TCF12: variants seen among roughly 807,000 people sequenced by gnomAD.
The protein encoded by TCF12 is DNA-binding protein HTF4.
TCF12 carries 45 observed loss-of-function variants against 86.0 expected under a neutral mutation model. That is an observed-to-expected ratio of 0.52 (90% CI 0.41 to 0.67). The LOEUF (loss-of-function observed/expected upper bound fraction) is 0.67, where lower values mean the gene tolerates loss of function less well. Among genes scored for constraint, TCF12 ranks in the 30% least tolerant of loss-of-function variants. TCF12 has a pLI of 0.00. For synonymous variants in TCF12, 330 were observed against 299.6 expected (o/e 1.10, Z -1.05); for missense variants, 881 against 859.9 (o/e 1.02, Z -0.31).
At chr15:57,171,383 A>G (rs1176342611) in intron 6 of TCF12, among the ~76,000 whole-genome samples, 1 of 152,106 alleles carries the variant, frequency 6.6e-6, no homozygotes, top group Non-Finnish European at 1.5e-5. Context: ...GAGTCAGAGG[A>G]GGGACAAAAA....
chr15:57,171,859 A>T (rs1451674690), intron 6 of TCF12, among the ~76,000 whole-genome samples: 1 of 152,214 alleles, frequency 6.6e-6, no homozygotes, highest in African/African-American at 2.4e-5. Context: ...TAAGTGAAAA[A>T]TCCTTTTATC....
chr15:56,918,507 C>T (rs956051241), upstream of TCF12: 2 of 316,360 alleles, frequency 6.3e-6, no homozygotes, highest in Non-Finnish European at 1.2e-5. Context: ...TTTGTCCACC[C>T]GCCGCGGTGC....
At chr15:57,167,325 C>T (rs556184736) in intron 6 of TCF12, among the ~76,000 whole-genome samples, 1 of 152,258 alleles carries the variant, frequency 6.6e-6, no homozygotes, top group Non-Finnish European at 1.5e-5. Context: ...CTTTGGGAGA[C>T]TGAGGTAGGA....
At chr15:56,936,809 C>A (rs1297322252) in intron 3 of TCF12, among the ~76,000 whole-genome samples, 1 of 152,060 alleles carries the variant, frequency 6.6e-6, no homozygotes, top group African/African-American at 2.4e-5. Context: ...TTTCTGGGTT[C>A]TGTATTCTGT....
chr15:57,000,278 G>C (rs1011033955), intron 3 of TCF12, among the ~76,000 whole-genome samples: 1 of 151,606 alleles, frequency 6.6e-6, no homozygotes, highest in African/African-American at 2.4e-5. Flanking sequence ...GGGCTGAAGC[G>C]ATCCTCTCGC....
At chr15:57,278,158 G>A (rs1439463629) in intron 19 of TCF12, among the ~76,000 whole-genome samples, 5 of 151,942 alleles carry the variant, frequency 3.3e-5, no homozygotes, top group African/African-American at 1.2e-4. Context: ...GAAAGCATCT[G>A]GAACATATGC....
chr15:57,134,552 C>T (rs182483285), intron 5 of TCF12: 1 of 152,134 alleles, frequency 6.6e-6, no homozygotes, highest in Non-Finnish European at 1.5e-5. Context: ...ACACTTAATG[C>T]ATATAAAGAT....
chr15:57,111,644 T>G (rs2050499377), intron 5 of TCF12, among the ~76,000 whole-genome samples: 1 of 149,730 alleles, frequency 6.7e-6, no homozygotes, highest in South Asian at 2.1e-4. Flanking sequence ...CAGGCTACAG[T>G]GTAGTGGCTC....
At chr15:57,098,989 G>A (rs1174768670) in intron 5 of TCF12, among the ~76,000 whole-genome samples, 2 of 152,110 alleles carry the variant, frequency 1.3e-5, no homozygotes, top group African/African-American at 2.4e-5. Flanking sequence ...TCCTTCTCTA[G>A]CTCCCTCACT....
At chr15:56,927,461 GT>G (rs531509143) in intron 3 of TCF12, among the ~76,000 whole-genome samples, 202 of 152,232 alleles carry the variant, frequency 1.3e-3, no homozygotes, top group Non-Finnish European at 4.9e-4. Flanking sequence ...TTTATGTCCT[GT>G]TTTTTGTTTC....
chr15:57,167,841 C>G (rs535876054), intron 6 of TCF12, among the ~76,000 whole-genome samples: 1 of 152,058 alleles, frequency 6.6e-6, no homozygotes, highest in African/African-American at 2.4e-5. Context: ...AATGATTGCT[C>G]TATTTTCCGT....
chr15:57,024,366 A>G (rs2065693370), intron 3 of TCF12, among the ~76,000 whole-genome samples: 1 of 151,850 alleles, frequency 6.6e-6, no homozygotes, highest in African/African-American at 2.4e-5. Context: ...GGCGCCCGCC[A>G]CCAAACCCAA....
At chr15:57,034,397 T>G (rs1242890147) in intron 3 of TCF12, among the ~76,000 whole-genome samples, 1 of 152,172 alleles carries the variant, frequency 6.6e-6, no homozygotes, top group Non-Finnish European at 1.5e-5. Flanking sequence ...AGTTTGTAGC[T>G]GTACTCAATA....
rs182647169 is a variant in TCF12 at position 57,231,054 on chromosome 15, T to C, written c.580-98T>C. On this transcript the variant is annotated intron_variant, in intron 8 of 20. Transcript: ENST00000333725. ...GTGGTAGCCCTTTATAAAAATTAGA[T>C]AGGCCTTTTTAAGCCCCTTACAGAA... is the stretch of plus-strand genomic sequence containing the variant. 2.5e-4 allele frequency: 202 copies of C among 806,140 alleles called. No individual in the cohort carries two copies. In the African/African-American group the frequency reaches 3.2e-3, roughly 13 times the overall value. The allele number at this position is 806,140 out of a possible 1,614,324, so 49.9% of individuals were successfully genotyped here. A position where few individuals can be genotyped will look rare whatever the true frequency, so the allele number is the denominator to read the frequency against.
At chr15:57,020,280 A>G (rs1223146975) in intron 3 of TCF12, among the ~76,000 whole-genome samples, 2 of 152,188 alleles carry the variant, frequency 1.3e-5, no homozygotes, top group Non-Finnish European at 1.5e-5. Flanking sequence ...TGGGATAGGA[A>G]CAGAAGCAAA....
At chr15:57,110,595 A>T (rs1212670235) in intron 5 of TCF12, among the ~76,000 whole-genome samples, 2 of 152,188 alleles carry the variant, frequency 1.3e-5, no homozygotes, top group African/African-American at 4.8e-5. Flanking sequence ...TTTTTTGTGT[A>T]CAGGAAGAAA....
intron 3 of TCF12, among the ~76,000 whole-genome samples, chr15:56,961,988 C>T (rs1020133704): frequency 2.0e-5 from 3 of 151,782 alleles, no homozygotes; most frequent in Admixed American, 6.6e-5. Flanking sequence ...AAAAATTAGC[C>T]GGGCGTGGTG....
chr15:56,978,087 A>G (rs2062703377), intron 3 of TCF12, among the ~76,000 whole-genome samples: 1 of 152,256 alleles, frequency 6.6e-6, no homozygotes, highest in Admixed American at 6.5e-5. Context: ...TGTATATTAA[A>G]AAGCATGCAT....
intron 3 of TCF12, among the ~76,000 whole-genome samples, chr15:56,924,433 C>G (rs754461473): frequency 6.6e-6 from 1 of 152,080 alleles, no homozygotes; most frequent in Non-Finnish European, 1.5e-5. Context: ...TTGAACATAT[C>G]AAGAACAAAA....
Sources: gnomAD v4.1 joint callset for allele counts (sites outside exome capture counted in the v4.1 genomes callset) on GRCh38, gnomAD v4.1.1 for gene constraint, MANE v1.5 for transcripts, NCBI Gene and HGNC (gene_info 2026-07-23, HGNC 2026-07-21) for gene names.